GNAO1: variants seen among roughly 807,000 people sequenced by gnomAD.
The protein encoded by GNAO1 is G protein subunit alpha o1, also known as guanine nucleotide-binding protein G(o) subunit alpha.
For missense variants in GNAO1, 166 were observed against 478.7 expected (o/e 0.35, Z 6.10); for synonymous variants, 164 against 180.7 (o/e 0.91, Z 0.74).
chr16:56,250,086 T>A (rs1308188799), intron 2 of GNAO1, among the ~76,000 whole-genome samples: 1 of 152,018 alleles, frequency 6.6e-6, no homozygotes, highest in Non-Finnish European at 1.5e-5. Flanking sequence ...GAAGAATTGG[T>A]ACTGAGAAGT....
intron 2 of GNAO1, among the ~76,000 whole-genome samples, chr16:56,253,193 C>A (rs1188247080): frequency 6.6e-6 from 1 of 152,204 alleles, no homozygotes; most frequent in African/African-American, 2.4e-5. Context: ...CTCCCCAGGG[C>A]AGCCTGGCTC....
chr16:56,290,007 C>T (rs2037214211), intron 3 of GNAO1, among the ~76,000 whole-genome samples: 1 of 152,188 alleles, frequency 6.6e-6, no homozygotes, highest in South Asian at 2.1e-4. Context: ...TCAGTGGCAT[C>T]TTTGCTCTCA....
In GNAO1 at chr16:56,354,844, GTTC is replaced by G. The variant is rs1567497700; in HGVS notation, c.878-17_878-15del. The G allele has an allele frequency of 6.4e-6, 10 of 1,562,120 alleles. 1 individual carries two copies. The South Asian group carries it at 8.9e-5, about 14-fold the overall frequency. ...ACAGCGCTCATCAGGGCCTCTCCCC[GTTC>G]TTCTGTGTCTTGTTACAGGCCCCAA... On this transcript the variant is annotated intron_variant, in intron 7 of 8. Transcript: ENST00000262493. This position sits in a 1 kb window ranked among gnomAD's most constrained non-coding sequence, Gnocchi z 4.3.
intron 2 of GNAO1, among the ~76,000 whole-genome samples, chr16:56,262,817 C>G (rs2036916183): frequency 6.6e-6 from 1 of 152,176 alleles, no homozygotes; most frequent in African/African-American, 2.4e-5. Context: ...AACCAATTTG[C>G]CTCACTCGTG....
intron 4 of GNAO1, among the ~76,000 whole-genome samples, chr16:56,332,209 A>C (rs1157754030): frequency 6.6e-6 from 1 of 152,168 alleles, no homozygotes; most frequent in East Asian, 1.9e-4. Context: ...CACTCAGAGC[A>C]AAAGCTCAAG....
chr16:56,303,898 C>G (rs946374383), intron 3 of GNAO1, among the ~76,000 whole-genome samples: 1 of 152,174 alleles, frequency 6.6e-6, no homozygotes, highest in Non-Finnish European at 1.5e-5. Flanking sequence ...GCGACACCCT[C>G]ATTTTATAGA....
chr16:56,336,066 C>T (rs1329097741), intron 5 of GNAO1, among the ~76,000 whole-genome samples: 2 of 152,170 alleles, frequency 1.3e-5, no homozygotes, highest in Middle Eastern at 6.3e-3. Flanking sequence ...GGAGACTGAC[C>T]TTTTACTTCC....
rs2037460019 is a variant in GNAO1 at position 56,311,657 on chromosome 16, G to A, written c.304-16974G>A. 6.6e-6 allele frequency among the ~76,000 whole-genome samples: 1 copy of A among 152,102 alleles called. No homozygotes were observed. The highest frequency in any genetic ancestry group is 2.1e-4 in the South Asian group (1 of 4,830). On this transcript the variant is annotated intron_variant, in intron 3 of 8. Coordinates refer to ENST00000262493, the MANE Select transcript of GNAO1 (RefSeq NM_020988.3). The surrounding 1 kb of genome is among the most constrained non-coding windows in gnomAD (Gnocchi z 5.2). ...TCCCTGCTGACATAGCTTGGCAGATGAGTCCCCGGAGGCTTGGCTCAGCCC... is the reference window on the plus strand; with the variant it reads ...TCCCTGCTGACATAGCTTGGCAGATAAGTCCCCGGAGGCTTGGCTCAGCCC...
intron 2 of GNAO1, among the ~76,000 whole-genome samples, chr16:56,210,646 A>G (rs748767405): frequency 1.3e-5 from 2 of 152,226 alleles, no homozygotes; most frequent in Admixed American, 6.5e-5. Flanking sequence ...TGTTAGAGAA[A>G]TTTGGATTTC....
chr16:56,233,490 G>T (rs1224123432), intron 2 of GNAO1, among the ~76,000 whole-genome samples: 2 of 152,190 alleles, frequency 1.3e-5, no homozygotes, highest in African/African-American at 2.4e-5. Context: ...TGCTTCCTCT[G>T]CCGTGTCCTC....
At chr16:56,199,662 A>C (rs1463312884) in intron 2 of GNAO1, among the ~76,000 whole-genome samples, 1 of 152,180 alleles carries the variant, frequency 6.6e-6, no homozygotes, top group African/African-American at 2.4e-5. Context: ...GTTAATTGGG[A>C]TGTGGGTTTT....
chr16:56,305,647 A>C (rs1159817756), intron 3 of GNAO1, among the ~76,000 whole-genome samples: 1 of 152,098 alleles, frequency 6.6e-6, no homozygotes, highest in African/African-American at 2.4e-5. Flanking sequence ...GGAATGATGG[A>C]GAGAGAACCC....
intron 3 of GNAO1, among the ~76,000 whole-genome samples, chr16:56,300,036 T>TGTGTGTGTGTGTGTGTGCGCGCGC (rs753591618): frequency 2.1e-5 from 2 of 95,112 alleles, no homozygotes; most frequent in African/African-American, 9.5e-5. Context: ...TGTGTGTGTG[T>TGTGTGTGTGTGTGTGTGCGCGCGC]GCGCGCGCGC....
intron 3 of GNAO1, among the ~76,000 whole-genome samples, chr16:56,304,817 G>A (rs3790097): frequency 0.22 from 32,976 of 152,188 alleles, 4,047 homozygotes; most frequent in East Asian, 0.42. Context: ...AGAGCTGGTG[G>A]CCTGGCCCAT....
intron 3 of GNAO1, among the ~76,000 whole-genome samples, chr16:56,297,446 C>T (rs2037297631): frequency 6.6e-6 from 1 of 151,856 alleles, no homozygotes; most frequent in African/African-American, 2.4e-5. Flanking sequence ...TAAATCCAAA[C>T]CCAAACCTGT....
At position 56,334,759 on chromosome 16, in the gene GNAO1, C is replaced by T. The variant is rs745503611; in HGVS notation, c.495C>T (p.Ala165=). The change falls in exon 5 of 9, where the codon GCC becomes GCT. Residue 165 remains alanine, a synonymous_variant. Coordinates refer to ENST00000262493, the MANE Select transcript of GNAO1 (RefSeq NM_020988.3). ...YYLDSLDRIG[A]ADYQPTEQDI... ...TGGACAGCCTGGATCGGATTGGGGC[C>T]GCCGACTACCAGCCCACCGAGCAGG... The T allele has an allele frequency of 3.6e-5, 58 of 1,613,800 alleles. No homozygotes were observed. The highest frequency in any genetic ancestry group is 5.0e-5 in the Admixed American group (3 of 60,004).
intron 3 of GNAO1, among the ~76,000 whole-genome samples, chr16:56,282,169 A>G (rs1420311812): frequency 6.6e-6 from 1 of 152,148 alleles, no homozygotes; most frequent in African/African-American, 2.4e-5. Context: ...TTTAAACCCC[A>G]ATTCTACCAC....
At chr16:56,288,915 C>T (rs917747266) in intron 3 of GNAO1, among the ~76,000 whole-genome samples, 10 of 152,030 alleles carry the variant, frequency 6.6e-5, no homozygotes, top group African/African-American at 4.8e-5. Flanking sequence ...GGAACGACAC[C>T]GAAGATCGCC....
intron 2 of GNAO1, among the ~76,000 whole-genome samples, chr16:56,221,324 A>T (rs2036485312): frequency 6.6e-6 from 1 of 151,902 alleles, no homozygotes; most frequent in South Asian, 2.1e-4. Flanking sequence ...GACCCACCAC[A>T]CCCTGCCTCA....
Sources: allele counts gnomAD v4.1 joint callset (sites outside exome capture counted in the v4.1 genomes callset), GRCh38; gene constraint gnomAD v4.1.1; non-coding constraint Gnocchi (gnomAD v3.1); transcripts MANE v1.5; gene names NCBI Gene and HGNC (gene_info 2026-07-23, HGNC 2026-07-21).